ACSS2: variants seen among roughly 807,000 people sequenced by gnomAD.
ACSS2 encodes acetyl-coenzyme A synthetase, cytoplasmic.
ACSS2 carries 58 observed loss-of-function variants against 90.6 expected under a neutral mutation model. That is an observed-to-expected ratio of 0.64 (90% CI 0.52 to 0.80). ACSS2 has a LOEUF of 0.80. ACSS2 is among the 30% of genes least tolerant of loss of function. The probability of loss-of-function intolerance (pLI) is 0.00; values close to 1 mark genes in which losing one functional copy is unlikely to be tolerated. For missense variants in ACSS2, 759 were observed against 912.0 expected (o/e 0.83, Z 2.16); for synonymous variants, 300 against 330.9 (o/e 0.91, Z 1.01).
chr20:34,876,177 C>T (rs2079901820), upstream of ACSS2, among the ~76,000 whole-genome samples: 1 of 152,132 alleles, frequency 6.6e-6, no homozygotes, highest in Non-Finnish European at 1.5e-5. Flanking sequence ...AACCCAACCC[C>T]TTATCTGTCA....
intron 1 of ACSS2, among the ~76,000 whole-genome samples, chr20:34,880,824 G>A (rs1004723662): frequency 6.6e-6 from 1 of 151,858 alleles, no homozygotes; most frequent in East Asian, 1.9e-4. Context: ...ATTATATTCT[G>A]TCTTGTACAT....
At chr20:34,876,438 A>G, upstream of ACSS2, 1 of 449,754 alleles carries the variant, frequency 2.2e-6, no homozygotes, top group African/African-American at 2.0e-5. Flanking sequence ...TTTTCCTTAT[A>G]GTATTTCTGT....
At chr20:34,924,334 A>G (rs563496582) in intron 14 of ACSS2, among the ~76,000 whole-genome samples, 1 of 152,362 alleles carries the variant, frequency 6.6e-6, no homozygotes, top group African/African-American at 2.4e-5. Flanking sequence ...CTTATCTTAG[A>G]TAGAGATAAA....
rs1242168960 is a variant in ACSS2, at chr20:34,913,428, C to T, written c.502C>T (p.Pro168Ser). 1 of 1,613,946 alleles carries T rather than the reference C, an allele frequency of 6.2e-7. No individual in the cohort carries two copies. The highest frequency in any genetic ancestry group is 1.3e-5 in the African/African-American group (1 of 74,866). ...GGGGGACCGAGTGGCCATCTACATGCCTATGATCCCAGAGCTTGTGGTGGC... is the reference window on the plus strand; with the variant it reads ...GGGGGACCGAGTGGCCATCTACATGTCTATGATCCCAGAGCTTGTGGTGGC... ...QKGDRVAIYM[P>S]MIPELVVAML... The change falls in exon 4 of 18, where the codon CCT (proline) becomes TCT (serine). Residue 168 changes from proline (P) to serine (S), a missense_variant. Physicochemically the swap from Pro to Ser is moderately conservative, Grantham distance 74 (BLOSUM62 -1). Transcript: ENST00000360596.
chr20:34,918,097 C>T (rs1568995036), intron 7 of ACSS2, among the ~76,000 whole-genome samples: 3 of 152,200 alleles, frequency 2.0e-5, no homozygotes, highest in African/African-American at 7.2e-5. Flanking sequence ...ACTGAACTAA[C>T]CTCTGTCTCT....
chr20:34,903,311 C>T (rs1453525043), intron 2 of ACSS2, among the ~76,000 whole-genome samples: 1 of 148,134 alleles, frequency 6.8e-6, no homozygotes, highest in East Asian at 2.0e-4. Context: ...CACTGCATTC[C>T]AGCCTGGGTG....
chr20:34,903,607 G>A (rs1055982827), intron 2 of ACSS2, among the ~76,000 whole-genome samples: 4 of 151,988 alleles, frequency 2.6e-5, no homozygotes, highest in Admixed American at 2.6e-4. Context: ...TCACCTGGGT[G>A]TTTCTCCTCC....
intron 2 of ACSS2, among the ~76,000 whole-genome samples, chr20:34,907,125 GT>G (rs796340668): frequency 0.018 from 2,551 of 143,452 alleles, 79 homozygotes; most frequent in African/African-American, 0.06. Flanking sequence ...AACAGAATGT[GT>G]TTTTTTTTTT....
At chr20:34,885,850 T>C (rs566800405) in intron 2 of ACSS2, among the ~76,000 whole-genome samples, 1 of 152,242 alleles carries the variant, frequency 6.6e-6, no homozygotes, top group East Asian at 1.9e-4. Context: ...CCTCACTCCA[T>C]TTTTACATTG....
intron 1 of ACSS2, among the ~76,000 whole-genome samples, chr20:34,878,372 C>G (rs2079979347): frequency 6.6e-6 from 1 of 152,168 alleles, no homozygotes; most frequent in Non-Finnish European, 1.5e-5. Context: ...GGGTCTTAGG[C>G]AAATTTTTAA....
At chr20:34,912,886 C>A (rs1226018455) in intron 2 of ACSS2, among the ~76,000 whole-genome samples, 2 of 152,176 alleles carry the variant, frequency 1.3e-5, no homozygotes, top group Non-Finnish European at 2.9e-5. Context: ...TAATGACATA[C>A]AACATGTGTA....
At chr20:34,875,130 G>A (rs1398828055), upstream of ACSS2, 2 of 534,760 alleles carry the variant, frequency 3.7e-6, no homozygotes, top group Non-Finnish European at 7.7e-6. Flanking sequence ...TCTTTGTGGT[G>A]AGTGCAGGTG....
intron 2 of ACSS2, among the ~76,000 whole-genome samples, chr20:34,890,565 G>A (rs1020651204): frequency 1.3e-5 from 2 of 151,970 alleles, no homozygotes; most frequent in African/African-American, 4.8e-5. Flanking sequence ...AGTGGTTGAT[G>A]GCTGATATTC....
Position 34,920,616 on chromosome 20 carries a change from G to A in ACSS2, c.1050G>A (p.Glu350=). Residue 350 remains glutamate, a synonymous_variant, in exon 9 of 18, where the codon GAG becomes GAA. Coordinates refer to ENST00000360596, the MANE Select transcript of ACSS2 (RefSeq NM_018677.4). ...AGTATGTGTTTGACTTCCATGCAGA[G>A]GATGTGTTCTGGTGCACGGCAGACA... The part of the protein sequence containing the change: ...TFKYVFDFHA[E]DVFWCTADIG... The A allele has an allele frequency of 1.2e-6, 2 of 1,614,216 alleles. No individual in the cohort carries two copies. Among genetic ancestry groups the A allele is most frequent in the Non-Finnish European group, 1.7e-6 (2 of 1,180,038 alleles).
intron 1 of ACSS2, among the ~76,000 whole-genome samples, chr20:34,881,733 T>C (rs529619390): frequency 1.3e-5 from 2 of 152,224 alleles, no homozygotes; most frequent in Non-Finnish European, 2.9e-5. Context: ...AGTAATTGTG[T>C]AACCTTAGAC....
intron 1 of ACSS2, among the ~76,000 whole-genome samples, chr20:34,880,405 G>A (rs999368275): frequency 1.3e-5 from 2 of 151,432 alleles, no homozygotes; most frequent in Non-Finnish European, 2.9e-5. Context: ...AACAATGTGC[G>A]CCTGTAGTTC....
chr20:34,915,977 A>C (rs2081069316), intron 7 of ACSS2, among the ~76,000 whole-genome samples: 1 of 152,228 alleles, frequency 6.6e-6, no homozygotes, highest in Non-Finnish European at 1.5e-5. Context: ...AACACATGTT[A>C]TAAAAGGAAA....
At chr20:34,892,872 C>A (rs1384393831) in intron 2 of ACSS2, among the ~76,000 whole-genome samples, 2 of 152,128 alleles carry the variant, frequency 1.3e-5, no homozygotes, top group Non-Finnish European at 2.9e-5. Context: ...AGTTTGAAAA[C>A]CCCTGATCTA....
Position 34,913,536 on chromosome 20 carries a change from T to C in ACSS2, c.570+40T>C, listed in dbSNP as rs779997018. 2.7e-6 allele frequency: 4 copies of C among 1,473,122 alleles called. No individual in the cohort carries two copies. The East Asian group carries it at 6.9e-5, about 26-fold the overall frequency. The allele number at this position is 1,473,122 out of a possible 1,614,324, so 91.3% of individuals were successfully genotyped here. A position where few individuals can be genotyped will look rare whatever the true frequency, so the allele number is the denominator to read the frequency against. On this transcript the variant is annotated intron_variant, in intron 4 of 17. Coordinates refer to ENST00000360596, the MANE Select transcript of ACSS2 (RefSeq NM_018677.4). ...TGGTGAAAAGGGGCAGGCGGGGGGG[T>C]GGGGCTCTGGAGAAGTAGGTTGGGC...
Sources: gnomAD v4.1 joint callset for allele counts (sites outside exome capture counted in the v4.1 genomes callset) on GRCh38, gnomAD v4.1.1 for gene constraint, MANE v1.5 for transcripts, NCBI Gene and HGNC (gene_info 2026-07-23, HGNC 2026-07-21) for gene names.